The following GSTCD variants were observed in gnomAD, a reference collection of about 807,000 sequenced individuals.
GSTCD encodes the protein glutathione S-transferase C-terminal domain-containing protein.
A neutral mutation model predicts 68.3 loss-of-function variants in GSTCD; 44 were observed. The observed-to-expected ratio is 0.64, with a 90% CI of 0.51 to 0.83. The LOEUF is 0.83. Among genes scored for constraint, GSTCD ranks in the 40% least tolerant of loss-of-function variants. GSTCD has a pLI of 0.00. For synonymous variants in GSTCD, 273 were observed against 255.2 expected (o/e 1.07, Z -0.67); for missense variants, 739 against 735.9 (o/e 1.00, Z -0.05).
chr4:105,796,510 A>G (rs1234373081), intron 5 of GSTCD, among the ~76,000 whole-genome samples: 1 of 152,092 alleles, frequency 6.6e-6, no homozygotes, highest in Non-Finnish European at 1.5e-5. Flanking sequence ...CTGAGCATTC[A>G]TATCTTTTGG....
chr4:105,772,781 G>A (rs1438481869), intron 5 of GSTCD, among the ~76,000 whole-genome samples: 1 of 152,082 alleles, frequency 6.6e-6, no homozygotes, highest in East Asian at 1.9e-4. Flanking sequence ...GAGGATTTTT[G>A]CTTCAAAGTT....
chr4:105,721,873 C>G (rs949217848), intron 3 of GSTCD, among the ~76,000 whole-genome samples: 2 of 151,972 alleles, frequency 1.3e-5, no homozygotes, highest in African/African-American at 2.4e-5. Context: ...TCATGTTTCC[C>G]CCCATTCAAT....
At chr4:105,712,363 A>G (rs1267968547) in intron 1 of GSTCD, 1 of 152,274 alleles carries the variant, frequency 6.6e-6, no homozygotes, top group Non-Finnish European at 1.5e-5. Flanking sequence ...GCAAGTACAA[A>G]TATTCTCAAG....
In GSTCD at chr4:105,834,593, A is replaced by T. The variant is rs1350150441; in HGVS notation, c.1663A>T (p.Ser555Cys). 3.7e-6 allele frequency: 6 copies of T among 1,613,826 alleles called. No individual in the cohort carries two copies. The Admixed American group carries it at 5.0e-5, about 13-fold the overall frequency. The change falls in exon 9 of 12, where the codon AGT (serine) becomes TGT (cysteine). Residue 555 changes from serine (S) to cysteine (C), a missense_variant and splice_region_variant. Coordinates refer to ENST00000515279, the MANE Select transcript of GSTCD (RefSeq NM_001370181.1). ...CACCTCAAAGTTCAATTTTCCAAAA[A>T]GGTGAGAAATTCAGTGTTCTACATA... ...QNTSKFNFPK[S>C]EQFKKTLSYK...
At chr4:105,841,916 CT>C (rs1322762419) in intron 10 of GSTCD, 148 bp from the exon 11 acceptor site, 2 of 618,494 alleles carry the variant, frequency 3.2e-6, no homozygotes, top group Non-Finnish European at 5.8e-6. Context: ...TGAAAGTTTA[CT>C]TTTTTCAAAA....
At chr4:105,825,011 T>A (rs1045838521) in intron 7 of GSTCD, among the ~76,000 whole-genome samples, 1 of 152,152 alleles carries the variant, frequency 6.6e-6, no homozygotes, top group Admixed American at 6.5e-5. Flanking sequence ...CCCATTAACA[T>A]TGTTTGTCTT....
chr4:105,710,001 G>A (rs1446433961), intron 1 of GSTCD, among the ~76,000 whole-genome samples: 1 of 151,144 alleles, frequency 6.6e-6, no homozygotes, highest in Non-Finnish European at 1.5e-5. Context: ...CTGATGGGGA[G>A]CATACACCAC....
At position 105,822,306 on chromosome 4, in the gene GSTCD, C is replaced by T. The variant is rs549838816; in HGVS notation, c.1241-648C>T. On this transcript the variant is annotated intron_variant, in intron 5 of 11. Coordinates refer to ENST00000515279, the MANE Select transcript of GSTCD (RefSeq NM_001370181.1). Reference sequence around the variant, plus strand: ...AATTGCATTATATTTCTGTCTGACTCATGAGGAAAGGAAGCTTCAAAGCAG... The same window carrying T: ...AATTGCATTATATTTCTGTCTGACTTATGAGGAAAGGAAGCTTCAAAGCAG... Among the ~76,000 whole-genome samples the T allele has an allele frequency of 5.3e-5, 8 of 151,972 alleles. No homozygotes were observed. The East Asian group carries it at 1.5e-3, about 29-fold the overall frequency.
intron 2 of GSTCD, among the ~76,000 whole-genome samples, chr4:105,718,595 A>G (rs1248421021): frequency 2.6e-5 from 4 of 152,216 alleles, no homozygotes; most frequent in Non-Finnish European, 4.4e-5. Flanking sequence ...ATGGGCTAAT[A>G]TACCCTTTAC....
At chr4:105,830,622 T>C (rs1271424157) in intron 8 of GSTCD, among the ~76,000 whole-genome samples, 1 of 152,100 alleles carries the variant, frequency 6.6e-6, no homozygotes, top group African/African-American at 2.4e-5. Context: ...CTAGAAAGCA[T>C]TGAGTCCATA....
chr4:105,845,561 T>G lies in GSTCD; in HGVS notation c.1886T>G (p.Val629Gly), dbSNP rs974988075. ...TGCTCTCCCAAAAATAACATGATTG[T>G]GGGAGTCCCCATTTAAAATGAGATA... ...ESCSPKNNMI[V>G]GVPI Residue 629 changes from valine to glycine, a missense_variant, in exon 12 of 12, where the codon GTG becomes GGG. Physicochemically the swap from Val to Gly is moderately radical, Grantham distance 109. Coordinates refer to ENST00000515279, the MANE Select transcript of GSTCD (RefSeq NM_001370181.1). 1 of 1,614,112 alleles carries G rather than the reference T, an allele frequency of 6.2e-7. No individual in the cohort carries two copies. The highest frequency in any genetic ancestry group is 1.7e-5 in the Admixed American group (1 of 60,010).
chr4:105,756,091 C>A (rs969627068), intron 5 of GSTCD, among the ~76,000 whole-genome samples: 22 of 152,134 alleles, frequency 1.4e-4, no homozygotes, highest in African/African-American at 4.8e-4. Context: ...TACAGATGAA[C>A]AACAGATGAA....
chr4:105,731,428 C>T (rs551178356), intron 5 of GSTCD, among the ~76,000 whole-genome samples: 2 of 152,212 alleles, frequency 1.3e-5, no homozygotes, highest in African/African-American at 4.8e-5. Flanking sequence ...TTGTAGTTCT[C>T]CTTGAAGAGG....
intron 1 of GSTCD, among the ~76,000 whole-genome samples, chr4:105,711,735 T>C (rs1341914673): frequency 6.6e-6 from 1 of 152,186 alleles, no homozygotes; most frequent in East Asian, 1.9e-4. Context: ...TCAGAACCAG[T>C]ATATTTGCAC....
chr4:105,780,265 G>A (rs1296726883), intron 5 of GSTCD, among the ~76,000 whole-genome samples: 2 of 152,156 alleles, frequency 1.3e-5, no homozygotes, highest in Non-Finnish European at 2.9e-5. Context: ...GGCACTATAG[G>A]GAATTTGAAC....
At position 105,838,211 on chromosome 4, in the gene GSTCD, A is replaced by G. The variant is rs147947563; in HGVS notation, c.1695+322A>G. Reference sequence around the variant, plus strand: ...TGCTCATGGCAATAGTGGTAGCCACAATACCATTGTTTTCACACTGACTCT... The same window carrying G: ...TGCTCATGGCAATAGTGGTAGCCACGATACCATTGTTTTCACACTGACTCT... On this transcript the variant is annotated intron_variant, in intron 10 of 11. Transcript: ENST00000515279. 1.4e-4 allele frequency among the ~76,000 whole-genome samples: 22 copies of G among 152,332 alleles called. 1 individual carries two copies. The highest frequency in any genetic ancestry group is 4.6e-4 in the African/African-American group (19 of 41,576).
intron 11 of GSTCD, among the ~76,000 whole-genome samples, chr4:105,843,199 C>T (rs1365341786): frequency 1.3e-5 from 2 of 152,194 alleles, no homozygotes; most frequent in African/African-American, 4.8e-5. Flanking sequence ...AAGATGCTCA[C>T]ACTTGGAGAC....
intron 5 of GSTCD, among the ~76,000 whole-genome samples, chr4:105,812,749 T>C (rs1452783804): frequency 6.6e-6 from 1 of 152,138 alleles, no homozygotes; most frequent in Non-Finnish European, 1.5e-5. Flanking sequence ...AAATATACTT[T>C]AGCATGTCTC....
At chr4:105,715,786 G>A (rs906722562) in intron 1 of GSTCD, among the ~76,000 whole-genome samples, 3 of 151,730 alleles carry the variant, frequency 2.0e-5, no homozygotes, top group South Asian at 2.1e-4. Context: ...AGGTGCATGT[G>A]TACTTTTTAA....
Sources: gnomAD v4.1 joint callset for allele counts (sites outside exome capture counted in the v4.1 genomes callset) on GRCh38, gnomAD v4.1.1 for gene constraint, MANE v1.5 for transcripts, NCBI Gene and HGNC (gene_info 2026-07-23, HGNC 2026-07-21) for gene names.